MAP7: variants seen among roughly 807,000 people sequenced by gnomAD.
MAP7 encodes microtubule associated protein 7.
A neutral mutation model predicts 94.8 loss-of-function variants in MAP7; 52 were observed. The ratio of observed to expected loss-of-function variants is 0.55; its 90% confidence interval spans 0.44 to 0.69. The LOEUF (loss-of-function observed/expected upper bound fraction) is 0.69, where lower values mean the gene tolerates loss of function less well. Among genes scored for constraint, MAP7 ranks in the 30% least tolerant of loss-of-function variants. The probability of loss-of-function intolerance (pLI) is 0.00; values close to 1 mark genes in which losing one functional copy is unlikely to be tolerated. For missense variants in MAP7, 940 were observed against 964.6 expected (o/e 0.97, Z 0.34); for synonymous variants, 350 against 357.0 (o/e 0.98, Z 0.22).
In MAP7 at chr6:136,550,285, G is replaced by A. The variant is rs1830052008; in HGVS notation, c.67+57C>T. 2.9e-6 allele frequency: 4 copies of A among 1,399,810 alleles called. No individual in the cohort carries two copies. The highest frequency in any genetic ancestry group is 2.9e-5 in the South Asian group (2 of 68,646). The allele number at this position is 1,399,810 out of a possible 1,614,324, so 86.7% of individuals were successfully genotyped here. On this transcript the variant is annotated intron_variant, in intron 1 of 17. Coordinates refer to ENST00000354570, the MANE Select transcript of MAP7 (RefSeq NM_003980.6). This position sits in a 1 kb window ranked among gnomAD's most constrained non-coding sequence, Gnocchi z 5.1. ...GGGTGATTTCGGTGCCAGCCCGCCG[G>A]CCCCGCTCGCCGTCCCCTGCCCGAC...
chr6:136,474,371 T>C (rs1810137928), intron 1 of MAP7, among the ~76,000 whole-genome samples: 1 of 152,150 alleles, frequency 6.6e-6, no homozygotes, highest in African/African-American at 2.4e-5. Flanking sequence ...GGGGCGAGTG[T>C]AGAGCAGTGA....
At chr6:136,547,768 C>T (rs887385004) in intron 1 of MAP7, among the ~76,000 whole-genome samples, 8 of 152,062 alleles carry the variant, frequency 5.3e-5, no homozygotes, top group Non-Finnish European at 8.8e-5. Flanking sequence ...TGCTTAAGAA[C>T]GGTCTCATTT....
chr6:136,375,944 G>A (rs1775989088), intron 7 of MAP7, among the ~76,000 whole-genome samples: 3 of 152,188 alleles, frequency 2.0e-5, no homozygotes, highest in Admixed American at 2.0e-4. Flanking sequence ...AAGACTAGAG[G>A]GAGAGTGAAA....
intron 5 of MAP7, among the ~76,000 whole-genome samples, chr6:136,387,496 C>T (rs142178022): frequency 3.9e-3 from 592 of 152,258 alleles, no homozygotes; most frequent in Non-Finnish European, 6.0e-3. Context: ...TACGTCTATG[C>T]GCTAGGGTAT....
rs1182358847 is a variant in MAP7, at chr6:136,360,004, T to G, written c.1831A>C (p.Arg611=). The G allele has an allele frequency of 6.2e-7, 1 of 1,613,382 alleles. No individual in the cohort carries two copies. Among genetic ancestry groups the G allele is most frequent in the East Asian group, 2.2e-5 (1 of 44,870 alleles). The change falls in exon 14 of 18, where the codon AGG becomes CGG. Residue 611 remains arginine, a synonymous_variant. Coordinates refer to ENST00000354570, the MANE Select transcript of MAP7 (RefSeq NM_003980.6). Reference sequence around the variant, plus strand: ...ACCTTATCTGTAGCTTCTGTTCTCCTGGTTCTTTTCATAATCTCCTCAAGT... The same window carrying G: ...ACCTTATCTGTAGCTTCTGTTCTCCGGGTTCTTTTCATAATCTCCTCAAGT... ...KRLEEIMKRT[R]RTEATDKKTS... is the part of the protein sequence containing the mutation.
chr6:136,485,424 C>G (rs1814321302), intron 1 of MAP7, among the ~76,000 whole-genome samples: 1 of 152,096 alleles, frequency 6.6e-6, no homozygotes, highest in Non-Finnish European at 1.5e-5. Flanking sequence ...AGTAAATTCT[C>G]TTTGTAAATC....
chr6:136,398,095 T>C (rs926861527), intron 3 of MAP7, among the ~76,000 whole-genome samples: 50 of 152,050 alleles, frequency 3.3e-4, no homozygotes, highest in Non-Finnish European at 2.5e-4. Context: ...AAAGGAGAAA[T>C]CCACTATCAA....
intron 1 of MAP7, among the ~76,000 whole-genome samples, chr6:136,466,476 G>C (rs1326912376): frequency 6.6e-6 from 1 of 152,008 alleles, no homozygotes; most frequent in Non-Finnish European, 1.5e-5. Flanking sequence ...GAATGATGAT[G>C]GTTTGCCTTT....
chr6:136,395,624 CTT>C (rs1243130681), intron 3 of MAP7, among the ~76,000 whole-genome samples: 1 of 152,050 alleles, frequency 6.6e-6, no homozygotes, highest in Non-Finnish European at 1.5e-5. Context: ...CCCCAAAACT[CTT>C]TGTTCAGACC....
chr6:136,463,751 G>T (rs899880436), intron 1 of MAP7, among the ~76,000 whole-genome samples: 17 of 152,168 alleles, frequency 1.1e-4, no homozygotes, highest in African/African-American at 2.2e-4. Context: ...GCTCAGGGAG[G>T]TTAAATGAGA....
intron 1 of MAP7, among the ~76,000 whole-genome samples, chr6:136,472,678 T>C (rs948665109): frequency 7.2e-5 from 11 of 152,066 alleles, no homozygotes; most frequent in African/African-American, 2.7e-4. Flanking sequence ...TCAAGTCTAA[T>C]ATACCCAAAA....
intron 2 of MAP7, among the ~76,000 whole-genome samples, chr6:136,418,592 G>C (rs1790274822): frequency 1.3e-5 from 2 of 152,190 alleles, no homozygotes; most frequent in African/African-American, 4.8e-5. Flanking sequence ...AGATGTTCTG[G>C]AGCCTTCTAA....
chr6:136,549,565 C>T (rs1022492404), intron 1 of MAP7, among the ~76,000 whole-genome samples: 2 of 152,164 alleles, frequency 1.3e-5, no homozygotes, highest in Admixed American at 1.3e-4. Context: ...TAAGTGTGCC[C>T]CTGGAGGTTG....
intron 1 of MAP7, among the ~76,000 whole-genome samples, chr6:136,456,744 A>AAGGAGGAGGAGGAGGAGGAGGAGGAGG (rs1238757592): frequency 5.9e-5 from 4 of 67,434 alleles, no homozygotes; most frequent in African/African-American, 2.5e-4. Flanking sequence ...GGAAGAGGAG[A>AAGGAGGAGGAGGAGGAGGAGGAGGAGG]AGGAGGAGGA....
At chr6:136,518,226 T>C (rs1235696676) in intron 1 of MAP7, among the ~76,000 whole-genome samples, 1 of 152,202 alleles carries the variant, frequency 6.6e-6, no homozygotes, top group East Asian at 1.9e-4. Flanking sequence ...AAACCATATA[T>C]ATTCAAGATC....
intron 1 of MAP7, among the ~76,000 whole-genome samples, chr6:136,518,424 T>G (rs188079508): frequency 1.3e-3 from 198 of 152,328 alleles, no homozygotes; most frequent in Middle Eastern, 6.8e-3. Context: ...AAATGTCAAA[T>G]AATGCTCTGG....
chr6:136,492,197 C>A (rs1314414030), intron 1 of MAP7, among the ~76,000 whole-genome samples: 1 of 152,164 alleles, frequency 6.6e-6, no homozygotes, highest in African/African-American at 2.4e-5. Flanking sequence ...AACCTAGATC[C>A]CTTGCGTGAG....
At position 136,507,113 on chromosome 6, in the gene MAP7, T is replaced by C. The variant is rs191488555; in HGVS notation, c.67+43229A>G. Among the ~76,000 whole-genome samples, 1,496 of 152,220 alleles carry C rather than the reference T, an allele frequency of 9.8e-3. 13 individuals are homozygous for C. Among genetic ancestry groups the C allele is most frequent in the Middle Eastern group, 0.017 (5 of 294 alleles). On this transcript the variant is annotated intron_variant, in intron 1 of 17. Coordinates refer to ENST00000354570, the MANE Select transcript of MAP7 (RefSeq NM_003980.6). ...TTTTGCTCAATTAAACTCCACTGAA[T>C]TTAACTTTTCTGGAGTTTTCTTTTA...
chr6:136,420,173 G>A, intron 2 of MAP7: 2 of 963,598 alleles, frequency 2.1e-6, no homozygotes, highest in Non-Finnish European at 3.4e-6. Context: ...ATTGTTATCT[G>A]CAGTGGGCCC....
Sources: gnomAD v4.1 joint callset for allele counts (sites outside exome capture counted in the v4.1 genomes callset) on GRCh38, gnomAD v4.1.1 for gene constraint, Gnocchi (gnomAD v3.1) non-coding constraint, MANE v1.5 for transcripts, NCBI Gene and HGNC (gene_info 2026-07-23, HGNC 2026-07-21) for gene names.